The following GNAS variants were observed in gnomAD, a reference collection of about 807,000 sequenced individuals.
The protein encoded by GNAS is protein ALEX.
In GNAS, 8 loss-of-function variants were observed where a neutral mutation model predicts 54.5. The observed-to-expected ratio is 0.15, with a 90% CI of 0.09 to 0.26. The LOEUF (loss-of-function observed/expected upper bound fraction) is 0.26. GNAS is among the 10% of genes least tolerant of loss of function. The probability of loss-of-function intolerance (pLI) is 1.00; values close to 1 mark genes in which losing one functional copy is unlikely to be tolerated. For missense variants in GNAS, 170 were observed against 529.8 expected (o/e 0.32, Z 6.67); for synonymous variants, 204 against 191.4 (o/e 1.07, Z -0.54).
At chr20:58,907,847 C>A (rs992639348) in intron 6 of GNAS, among the ~76,000 whole-genome samples, 2 of 152,362 alleles carry the variant, frequency 1.3e-5, no homozygotes, top group East Asian at 3.9e-4. Context: ...TGTTAAAGTT[C>A]AGATACTGGT....
intron 3 of GNAS, chr20:58,900,320 C>T (rs569003502): frequency 6.8e-5 from 20 of 294,256 alleles, no homozygotes; most frequent in African/African-American, 3.6e-4. Flanking sequence ...CTACTAATAC[C>T]TTGGCCTGCA....
chr20:58,874,530 C>T (rs1306571875), intron 1 of GNAS, among the ~76,000 whole-genome samples: 1 of 152,252 alleles, frequency 6.6e-6, no homozygotes, highest in Non-Finnish European at 1.5e-5. Context: ...TTTCATCCTC[C>T]ATCTTAGCTC....
At chr20:58,840,418 G>T, upstream of GNAS, 1 of 1,613,610 alleles carries the variant, frequency 6.2e-7, no homozygotes, top group Non-Finnish European at 8.5e-7. This position sits in a 1 kb window ranked among gnomAD's most constrained non-coding sequence, Gnocchi z 6.0. Flanking sequence ...TAGAGTACGA[G>T]GAAGAGTTCG....
chr20:58,854,786 A>G (rs1158627568), intron 1 of GNAS: 1 of 1,571,714 alleles, frequency 6.4e-7, no homozygotes, highest in East Asian at 2.3e-5. Flanking sequence ...CCACCCGGGC[A>G]GCCCAAGTCC....
Position 58,903,722 on chromosome 20 carries a change from C to T in GNAS, c.363C>T (p.Asn121=), listed in dbSNP as rs2146183531. 1 of 1,613,836 alleles carries T rather than the reference C, an allele frequency of 6.2e-7. No homozygotes were observed. Among genetic ancestry groups the T allele is most frequent in the Admixed American group, 1.7e-5 (1 of 60,022 alleles). ...TGGTGCCCCCCGTGGAGCTGGCCAACCCCGAGAACCAGTTCAGAGTGGACT... is the reference window on the plus strand; with the variant it reads ...TGGTGCCCCCCGTGGAGCTGGCCAATCCCGAGAACCAGTTCAGAGTGGACT... The part of the protein sequence containing the change: ...SNLVPPVELA[N]PENQFRVDYI... Residue 121 remains asparagine, a synonymous_variant, in exon 5 of 13, where the codon AAC becomes AAT. Coordinates refer to ENST00000371085, the MANE Select transcript of GNAS (RefSeq NM_000516.7).
chr20:58,880,564 G>A (rs766281683), intron 1 of GNAS, among the ~76,000 whole-genome samples: 7 of 152,168 alleles, frequency 4.6e-5, no homozygotes, highest in East Asian at 1.9e-4. Context: ...AAGGACAAGC[G>A]TGACAGCTGG....
chr20:58,897,137 A>G (rs2090142015), intron 2 of GNAS, among the ~76,000 whole-genome samples: 1 of 152,234 alleles, frequency 6.6e-6, no homozygotes, highest in South Asian at 2.1e-4. Context: ...TTCTTCACTC[A>G]TCTGATTATG....
intron 1 of GNAS, among the ~76,000 whole-genome samples, chr20:58,860,549 G>T (rs2086729856): frequency 6.6e-6 from 1 of 152,080 alleles, no homozygotes; most frequent in Non-Finnish European, 1.5e-5. Flanking sequence ...AGTCTTTGTA[G>T]TGATTTTTTT....
upstream of GNAS, chr20:58,889,128 C>G (rs1600929167): frequency 1.7e-6 from 2 of 1,193,438 alleles, no homozygotes; most frequent in South Asian, 1.4e-5. Flanking sequence ...TCTGAAGAGG[C>G]TGGGGCGTCA....
intron 1 of GNAS, among the ~76,000 whole-genome samples, chr20:58,844,815 A>G (rs2753643): frequency 2.6e-5 from 4 of 152,028 alleles, no homozygotes; most frequent in Admixed American, 6.6e-5. Flanking sequence ...AAACAAAACA[A>G]AACAACAACA....
rs761196953 is a variant in GNAS, at chr20:58,910,408, C to T, written c.1038+7C>T. The T allele has an allele frequency of 5.6e-6, 9 of 1,602,422 alleles. No homozygotes were observed. The highest frequency in any genetic ancestry group is 3.3e-5 in the South Asian group (3 of 90,802). On this transcript the variant is annotated splice_region_variant and intron_variant, in intron 12 of 12. Transcript: ENST00000371085. This position sits in a 1 kb window ranked among gnomAD's most constrained non-coding sequence, Gnocchi z 5.8. ...CATTCGAGATGAGTTTCTGGTGAGT[C>T]GAGCCTGTCTTTAGTTTCCTCTCTT...
chr20:58,891,588 C>G lies in GNAS; in HGVS notation c.-139C>G, dbSNP rs1314306321. 1 of 972,636 alleles carries G rather than the reference C, an allele frequency of 1.0e-6. No homozygotes were observed. Among genetic ancestry groups the G allele is most frequent in the African/African-American group, 1.8e-5 (1 of 55,652 alleles). The allele number at this position is 972,636 out of a possible 1,614,324, so 60.3% of individuals were successfully genotyped here. ...CGCGGCCCGCGGCCCGCAGTCCGCC[C>G]CGCGCGCTCCTTGCCGAGGAGCCGA... On this transcript the variant is annotated 5_prime_UTR_variant, in exon 1 of 13. Transcript: ENST00000371085.
rs1313428466 is a variant in GNAS, at chr20:58,841,845, G to A, written c.43+959G>A. On this transcript the variant is annotated intron_variant, in intron 1 of 12. Coordinates refer to the GNAS transcript ENST00000306090. The surrounding 1 kb of genome is among the most constrained non-coding windows in gnomAD (Gnocchi z 5.0). ...CCTGGGCTGTTTGCGCAGGACCTCT[G>A]GAGGCCCTCGAGATCGTCGCAAGTG... 9 of 1,230,910 alleles carry A rather than the reference G, an allele frequency of 7.3e-6. No homozygotes were observed. The African/African-American group carries it at 1.2e-4, about 17-fold the overall frequency. The allele number at this position is 1,230,910 out of a possible 1,614,324, so 76.2% of individuals were successfully genotyped here. A position where few individuals can be genotyped will look rare whatever the true frequency, so the allele number is the denominator to read the frequency against.
chr20:58,895,451 T>C, intron 1 of GNAS, 161 bp from the exon 2 acceptor site: 1 of 673,412 alleles, frequency 1.5e-6, no homozygotes, highest in Non-Finnish European at 2.7e-6. Context: ...TGATTTCCTT[T>C]TCTCTGCGTC....
intron 1 of GNAS, among the ~76,000 whole-genome samples, chr20:58,878,009 A>G (rs187123777): frequency 1.4e-3 from 217 of 152,326 alleles, no homozygotes; most frequent in African/African-American, 5.0e-3. Flanking sequence ...GAAAAAAAAC[A>G]AAAACAAAGA....
At chr20:58,894,225 G>C (rs772710270) in intron 1 of GNAS, among the ~76,000 whole-genome samples, 5 of 152,214 alleles carry the variant, frequency 3.3e-5, no homozygotes, top group Non-Finnish European at 5.9e-5. Flanking sequence ...GCCTATGAAA[G>C]ATAGGTCCTG....
At position 58,853,371 on chromosome 20, in the gene GNAS, G is replaced by T. The variant is rs1477237822; in HGVS notation, c.43+12485G>T. ...GCAACCACCTTTGGAGGCCCCAGGGGCAGCTGCCCCCGGTGCTGGGCCTAG... is the reference window on the plus strand; with the variant it reads ...GCAACCACCTTTGGAGGCCCCAGGGTCAGCTGCCCCCGGTGCTGGGCCTAG... On this transcript the variant is annotated intron_variant, in intron 1 of 12. Transcript: ENST00000306090. This position sits in a 1 kb window ranked among gnomAD's most constrained non-coding sequence, Gnocchi z 4.4. 1.3e-6 allele frequency: 2 copies of T among 1,555,064 alleles called. No individual in the cohort carries two copies. Among genetic ancestry groups the T allele is most frequent in the African/African-American group, 2.7e-5 (2 of 73,140 alleles).
At chr20:58,850,980 C>G (rs2086145133) in intron 1 of GNAS, 1 of 398,510 alleles carries the variant, frequency 2.5e-6, no homozygotes, top group Admixed American at 4.4e-5. Context: ...TTGGCATGAC[C>G]CCTGCCCAAT....
At chr20:58,874,975 C>T (rs2087712080) in intron 1 of GNAS, among the ~76,000 whole-genome samples, 1 of 152,224 alleles carries the variant, frequency 6.6e-6, no homozygotes, top group East Asian at 1.9e-4. Context: ...AATAATATGT[C>T]TTATGGATAG....
Sources: allele counts gnomAD v4.1 joint callset (sites outside exome capture counted in the v4.1 genomes callset), GRCh38; gene constraint gnomAD v4.1.1; non-coding constraint Gnocchi (gnomAD v3.1); transcripts MANE v1.5; gene names NCBI Gene and HGNC (gene_info 2026-07-23, HGNC 2026-07-21).